The following BICD2 variants were observed in gnomAD, a reference collection of about 807,000 sequenced individuals.
BICD2 encodes the protein BICD cargo adaptor 2.
Under a neutral mutation model 72.9 loss-of-function variants are expected in BICD2, and 25 were observed. The observed-to-expected ratio is 0.34, with a 90% CI of 0.25 to 0.48. BICD2 has a LOEUF of 0.48. BICD2 is among the 20% of genes least tolerant of loss of function. The pLI, the probability that BICD2 is intolerant of heterozygous loss-of-function variation, is 0.99. For missense variants in BICD2, 894 were observed against 1,175.2 expected, an observed-to-expected ratio of 0.76 and a Z score of 3.50; for synonymous variants, 501 against 516.1, an observed-to-expected ratio of 0.97 and a Z score of 0.40.
chr9:92,738,988 G>A (rs1010929139), intron 1 of BICD2, among the ~76,000 whole-genome samples: 5 of 149,492 alleles, frequency 3.3e-5, no homozygotes, highest in African/African-American at 9.7e-5. Context: ...CCTGCCCCAG[G>A]GTGGGCCCAG....
intron 1 of BICD2, among the ~76,000 whole-genome samples, chr9:92,732,570 C>T (rs1360190073): frequency 6.6e-6 from 1 of 152,100 alleles, no homozygotes; most frequent in Non-Finnish European, 1.5e-5. Flanking sequence ...ATATTTAAAT[C>T]AGCCAGAAGA....
rs867455956 is a variant in BICD2 at position 92,711,682 on chromosome 9, T to C, written c.*3472A>G. 4.6e-5 allele frequency: 7 copies of C among 152,696 alleles called. No homozygotes were observed. The South Asian group carries it at 8.3e-4, about 18-fold the overall frequency. The allele number at this position is 152,696 out of a possible 1,614,324, so 9.5% of individuals were successfully genotyped here. A position where few individuals can be genotyped will look rare whatever the true frequency, so the allele number is the denominator to read the frequency against. ...GAAAAAATACAGTACTCAGACATCA[T>C]TGCAAATAAATACCCCATACAGATG... On this transcript the variant is annotated 3_prime_UTR_variant, in exon 7 of 7. Transcript: ENST00000356884.
intron 1 of BICD2, among the ~76,000 whole-genome samples, chr9:92,730,988 A>G (rs1853668525): frequency 6.6e-6 from 1 of 152,144 alleles, no homozygotes; most frequent in Non-Finnish European, 1.5e-5. Context: ...TAATGTCTAC[A>G]CAGCACCTCA....
rs546821343 is a variant in BICD2, at chr9:92,718,692, C to A, written c.1953G>T (p.Leu651=). 1.9e-6 allele frequency: 3 copies of A among 1,614,152 alleles called. No homozygotes were observed. The highest frequency in any genetic ancestry group is 1.7e-4 in the Middle Eastern group (1 of 6,060). Residue 651 remains leucine (L), a synonymous_variant, in exon 5 of 7, where the codon CTG becomes CTT. Coordinates refer to ENST00000356884, the MANE Select transcript of BICD2 (RefSeq NM_001003800.2). ...CCTGAGAGGCAATGCGCTGGCGTGACAGCTCCGTGGTGCGGTCCACGGCTG... is the reference window on the plus strand; with the variant it reads ...CCTGAGAGGCAATGCGCTGGCGTGAAAGCTCCGTGGTGCGGTCCACGGCTG... ...LQAAVDRTTE[L]SRQRIASQEL...
intron 1 of BICD2, among the ~76,000 whole-genome samples, chr9:92,744,955 A>G (rs1313151788): frequency 6.6e-6 from 1 of 152,266 alleles, no homozygotes; most frequent in Non-Finnish European, 1.5e-5. Flanking sequence ...ACTATATGTA[A>G]TTCTAGTTTA....
chr9:92,722,945 C>T (rs1853494605), intron 2 of BICD2, 137 bp from the exon 3 acceptor site: 3 of 1,084,280 alleles, frequency 2.8e-6, no homozygotes, highest in Non-Finnish European at 4.0e-6. Context: ...GTGTGACTGC[C>T]TGGAGAGGAG....
At chr9:92,749,101 C>T (rs1404583934) in intron 1 of BICD2, among the ~76,000 whole-genome samples, 1 of 151,958 alleles carries the variant, frequency 6.6e-6, no homozygotes, top group African/African-American at 2.4e-5. Context: ...AGCACTCAAG[C>T]AGGAGCCTGG....
chr9:92,752,611 A>T (rs940507156), intron 1 of BICD2, among the ~76,000 whole-genome samples: 11 of 152,194 alleles, frequency 7.2e-5, no homozygotes, highest in African/African-American at 2.7e-4. Context: ...CTACTAAAAA[A>T]ATCAAAAAAT....
chr9:92,718,499 A>G lies in BICD2; in HGVS notation c.2106+40T>C, dbSNP rs369059842. On this transcript the variant is annotated intron_variant, in intron 5 of 6. Coordinates refer to ENST00000356884, the MANE Select transcript of BICD2 (RefSeq NM_001003800.2). ...GCCAAGGGGGAAACACCCTTAGGCC[A>G]GTAGTAGGTGACATGTGCCCCTGCT... 31 of 1,575,690 alleles carry G rather than the reference A, an allele frequency of 2.0e-5. No individual in the cohort carries two copies. The African/African-American group carries it at 4.2e-4, about 21-fold the overall frequency.
chr9:92,753,198 A>C (rs915793233), intron 1 of BICD2, among the ~76,000 whole-genome samples: 3 of 152,250 alleles, frequency 2.0e-5, no homozygotes, highest in Admixed American at 6.5e-5. Flanking sequence ...CAAGGTCATC[A>C]AGAACAGGGA....
chr9:92,758,854 CAA>C (rs1232897388), intron 1 of BICD2, among the ~76,000 whole-genome samples: 1 of 134,848 alleles, frequency 7.4e-6, no homozygotes. Flanking sequence ...AACTCCGTCT[CAA>C]AAAAAAAAAA....
In BICD2 at chr9:92,720,760, G is replaced by A; in HGVS notation, c.607-5C>T. The A allele has an allele frequency of 6.2e-7, 1 of 1,612,344 alleles. No individual in the cohort carries two copies. Among genetic ancestry groups the A allele is most frequent in the Non-Finnish European group, 8.5e-7 (1 of 1,178,996 alleles). On this transcript the variant is annotated splice_region_variant and splice_polypyrimidine_tract_variant and intron_variant, in intron 3 of 6. Transcript: ENST00000356884. This position sits in a 1 kb window ranked among gnomAD's most constrained non-coding sequence, Gnocchi z 5.4. ...CTTGAGGCCCTCAAACTCCACCTGGGAAGAGAAGTCAACGCTCTTGCATCA... is the reference window on the plus strand; with the variant it reads ...CTTGAGGCCCTCAAACTCCACCTGGAAAGAGAAGTCAACGCTCTTGCATCA...
intron 1 of BICD2, among the ~76,000 whole-genome samples, chr9:92,742,486 G>A (rs1027924689): frequency 2.6e-5 from 4 of 151,244 alleles, no homozygotes; most frequent in Non-Finnish European, 5.9e-5. Context: ...CCAGGTTCAC[G>A]ATATTCTCCT....
rs1854381183 is a variant in BICD2 at position 92,761,941 on chromosome 9, T to G, written c.240+2564A>C. Reference sequence around the variant, plus strand: ...CAGCAGGACACAGACACTTCCCCCATCCCATGAGAAAGGCAACAGGACTGG... The same window carrying G: ...CAGCAGGACACAGACACTTCCCCCAGCCCATGAGAAAGGCAACAGGACTGG... On this transcript the variant is annotated intron_variant, in intron 1 of 6. Coordinates refer to ENST00000356884, the MANE Select transcript of BICD2 (RefSeq NM_001003800.2). 2.0e-5 allele frequency among the ~76,000 whole-genome samples: 3 copies of G among 152,146 alleles called. No individual in the cohort carries two copies. In the South Asian group the frequency reaches 6.2e-4, roughly 32 times the overall value.
intron 1 of BICD2, among the ~76,000 whole-genome samples, chr9:92,750,329 C>A (rs949117388): frequency 2.0e-5 from 3 of 152,134 alleles, no homozygotes; most frequent in Admixed American, 6.5e-5. Flanking sequence ...ATTACCTGCA[C>A]TAGAACTTGT....
intron 2 of BICD2, among the ~76,000 whole-genome samples, chr9:92,727,722 T>C (rs1051669367): frequency 2.0e-5 from 3 of 152,022 alleles, no homozygotes; most frequent in African/African-American, 4.8e-5. Flanking sequence ...AAGACAGTCG[T>C]CTCAGCCTCA....
Position 92,714,746 on chromosome 9 carries a change from T to C in BICD2, c.*408A>G. 2 of 1,007,634 alleles carry C rather than the reference T, an allele frequency of 2.0e-6. No individual in the cohort carries two copies. The highest frequency in any genetic ancestry group is 2.4e-6 in the Non-Finnish European group (2 of 845,212). 62.4% of individuals were successfully genotyped at this position (1,007,634 alleles called of 1,614,324 possible). A position where few individuals can be genotyped will look rare whatever the true frequency, so the allele number is the denominator to read the frequency against. On this transcript the variant is annotated 3_prime_UTR_variant, in exon 7 of 7. Coordinates refer to ENST00000356884, the MANE Select transcript of BICD2 (RefSeq NM_001003800.2). ...TAAAACTGCTTTCTAGTGCTGACAT[T>C]AGACACATGCGAGGAACATGCAAGT...
chr9:92,764,007 C>G lies in BICD2; in HGVS notation c.240+498G>C, dbSNP rs373244698. On this transcript the variant is annotated intron_variant, in intron 1 of 6. Transcript: ENST00000356884. The surrounding 1 kb of genome is among the most constrained non-coding windows in gnomAD (Gnocchi z 5.5). ...ACTCATGAAAGAAGCAGAAACGCTCCGAAAGTAGCTGCGCCCAGAGAGGGG... is the reference window on the plus strand; with the variant it reads ...ACTCATGAAAGAAGCAGAAACGCTCGGAAAGTAGCTGCGCCCAGAGAGGGG... Among the ~76,000 whole-genome samples the G allele has an allele frequency of 1.3e-5, 2 of 152,212 alleles. No homozygotes were observed. Among genetic ancestry groups the G allele is most frequent in the East Asian group, 3.8e-4 (2 of 5,200 alleles).
intron 2 of BICD2, among the ~76,000 whole-genome samples, chr9:92,725,736 A>G (rs1005871932): frequency 6.6e-6 from 1 of 152,234 alleles, no homozygotes; most frequent in Admixed American, 6.5e-5. Flanking sequence ...TGTTTCAAGG[A>G]GCCACTGTGC....
Sources: gnomAD v4.1 joint callset for allele counts (sites outside exome capture counted in the v4.1 genomes callset) on GRCh38, gnomAD v4.1.1 for gene constraint, Gnocchi (gnomAD v3.1) non-coding constraint, MANE v1.5 for transcripts, NCBI Gene and HGNC (gene_info 2026-07-23, HGNC 2026-07-21) for gene names.